Variants in ASB4 observed in about 807,000 individuals in gnomAD.
ASB4 encodes the protein ankyrin repeat and SOCS box containing 4.
ASB4 carries 35 observed loss-of-function variants against 38.6 expected under a neutral mutation model. The ratio of observed to expected loss-of-function variants is 0.91; its 90% CI spans 0.69 to 1.20. The LOEUF (loss-of-function observed/expected upper bound fraction) is 1.20, where lower values mean the gene tolerates loss of function less well. Among genes scored for constraint, ASB4 ranks in the 50% most tolerant of loss-of-function variants. The pLI, the probability that ASB4 is intolerant of heterozygous loss-of-function variation, is 0.00. For synonymous variants in ASB4, 195 were observed against 201.3 expected (o/e 0.97, Z 0.26); for missense variants, 557 against 527.2 (o/e 1.06, Z -0.55).
downstream of ASB4, chr7:95,540,271 A>G (rs1304420026): frequency 6.6e-6 from 1 of 151,992 alleles, no homozygotes; most frequent in Non-Finnish European, 1.5e-5. Context: ...CTTTTTCCTA[A>G]CCCCGCTTTG....
At chr7:95,492,214 A>T (rs1267204319) in intron 1 of ASB4, among the ~76,000 whole-genome samples, 1 of 152,214 alleles carries the variant, frequency 6.6e-6, no homozygotes, top group African/African-American at 2.4e-5. Context: ...GGAGATGCAG[A>T]AGAAACTGAC....
At chr7:95,473,984 C>G (rs1789950263), upstream of ASB4, 1 of 152,170 alleles carries the variant, frequency 6.6e-6, no homozygotes. Flanking sequence ...GAAAATAAAG[C>G]CATAAGTTAC....
intron 1 of ASB4, among the ~76,000 whole-genome samples, chr7:95,488,294 T>A (rs189272957): frequency 6.6e-6 from 1 of 152,044 alleles, no homozygotes; most frequent in Non-Finnish European, 1.5e-5. Flanking sequence ...TGAGCCCAGA[T>A]GGCGCCACTG....
the ASB4 span, among the ~76,000 whole-genome samples, chr7:95,546,654 C>T: frequency 1.3e-5 from 2 of 152,130 alleles, no homozygotes; most frequent in African/African-American, 4.8e-5. Flanking sequence ...CTGTTACTTC[C>T]AATTGCTTAG....
intron 2 of ASB4, among the ~76,000 whole-genome samples, chr7:95,509,205 T>A (rs533959963): frequency 6.6e-6 from 1 of 152,296 alleles, no homozygotes; most frequent in African/African-American, 2.4e-5. Context: ...TTAGGTGGTA[T>A]AGCTGAAAAA....
At chr7:95,472,326 C>A in the ASB4 span, among the ~76,000 whole-genome samples, 7 of 152,098 alleles carry the variant, frequency 4.6e-5, no homozygotes, top group Non-Finnish European at 1.0e-4. Flanking sequence ...GATGCTTAGA[C>A]GAATGATCTG....
chr7:95,542,267 A>AT (rs1414118644), downstream of ASB4: 2 of 152,188 alleles, frequency 1.3e-5, no homozygotes, highest in African/African-American at 2.4e-5. Flanking sequence ...TTTTAAAAAA[A>AT]TTAGATGCTG....
chr7:95,550,554 C>T, the ASB4 span, among the ~76,000 whole-genome samples: 1 of 152,262 alleles, frequency 6.6e-6, no homozygotes, highest in Admixed American at 6.5e-5. Context: ...CTTGATCAGT[C>T]GAAAAATTAT....
chr7:95,515,316 T>TCTTCCTTCCTTC lies in ASB4; in HGVS notation c.488-12489_488-12478dup, dbSNP rs1274522352. Among the ~76,000 whole-genome samples, 785 of 95,784 alleles carry TCTTCCTTCCTTC rather than the reference T, an allele frequency of 8.2e-3. 27 individuals are homozygous for TCTTCCTTCCTTC. The East Asian group carries it at 0.095, about 12-fold the overall frequency. 62.8% of individuals were successfully genotyped at this position (95,784 alleles called of 152,430 possible). A position where few individuals can be genotyped will look rare whatever the true frequency, so the allele number is the denominator to read the frequency against. On this transcript the variant is annotated intron_variant, in intron 2 of 4. Coordinates refer to ENST00000325885, the MANE Select transcript of ASB4 (RefSeq NM_016116.3). Reference sequence around the variant, plus strand: ...TTCTTTCTTTCTTTCTTTCTTTCTTTCTTCCTTCCTTCCTTCCTTTCTTTC... The same window carrying TCTTCCTTCCTTC: ...TTCTTTCTTTCTTTCTTTCTTTCTTTCTTCCTTCCTTCCTTCCTTCCTTCCTTCCTTTCTTTC...
intron 1 of ASB4, among the ~76,000 whole-genome samples, chr7:95,490,412 C>T (rs1391117479): frequency 6.6e-6 from 1 of 152,110 alleles, no homozygotes; most frequent in Non-Finnish European, 1.5e-5. Flanking sequence ...CCCAGGGGAA[C>T]TTTGAGTTAT....
At chr7:95,526,667 G>A (rs1442760908) in intron 2 of ASB4, among the ~76,000 whole-genome samples, 1 of 152,096 alleles carries the variant, frequency 6.6e-6, no homozygotes, top group Non-Finnish European at 1.5e-5. Context: ...TACTTGGAAG[G>A]TTCAATGAGG....
chr7:95,521,465 T>A (rs188534524), intron 2 of ASB4, among the ~76,000 whole-genome samples: 121 of 152,216 alleles, frequency 7.9e-4, no homozygotes, highest in African/African-American at 2.8e-3. Flanking sequence ...ACTCTACTGA[T>A]GGACATATAC....
intron 2 of ASB4, among the ~76,000 whole-genome samples, chr7:95,512,621 TA>T (rs1412689961): frequency 6.6e-6 from 1 of 151,946 alleles, no homozygotes; most frequent in Admixed American, 6.5e-5. Flanking sequence ...CAAAGGTACA[TA>T]AAATCTACAC....
At chr7:95,489,667 C>T (rs1208618560) in intron 1 of ASB4, among the ~76,000 whole-genome samples, 1 of 152,038 alleles carries the variant, frequency 6.6e-6, no homozygotes, top group Non-Finnish European at 1.5e-5. Flanking sequence ...GCCAAAATTG[C>T]GTTTACCAGA....
downstream of ASB4, chr7:95,543,835 G>A (rs1041817961): frequency 6.6e-6 from 1 of 152,058 alleles, no homozygotes; most frequent in Non-Finnish European, 1.5e-5. Flanking sequence ...GGGAATCAAT[G>A]AATATTATTA....
chr7:95,505,689 C>CT (rs1032513300), intron 2 of ASB4, among the ~76,000 whole-genome samples: 1 of 134,122 alleles, frequency 7.5e-6, no homozygotes, highest in South Asian at 2.8e-4. Flanking sequence ...ATCCGTGTCC[C>CT]CCCCCCCCCA....
downstream of ASB4, chr7:95,543,666 G>C (rs1180656090): frequency 6.6e-6 from 1 of 152,212 alleles, no homozygotes; most frequent in African/African-American, 2.4e-5. Context: ...CTGACAAAGG[G>C]TGAGAGCTGG....
chr7:95,535,207 A>G (rs1384747394), intron 3 of ASB4, among the ~76,000 whole-genome samples: 1 of 152,244 alleles, frequency 6.6e-6, no homozygotes, highest in Non-Finnish European at 1.5e-5. Context: ...ACCACCTATG[A>G]GGAAGGTTGT....
rs141239607 is a variant in ASB4 at position 95,496,515 on chromosome 7, C to A, written c.487+458C>A. Among the ~76,000 whole-genome samples the A allele has an allele frequency of 5.7e-3, 860 of 152,200 alleles. 10 individuals are homozygous for A. Among genetic ancestry groups the A allele is most frequent in the African/African-American group, 0.019 (787 of 41,524 alleles). ...ATTACTATAAAATGTATAAAGTCTT[C>A]TCTAAGGATATTATGCTAGGTAGGC... On this transcript the variant is annotated intron_variant, in intron 2 of 4. Transcript: ENST00000325885.
Sources: allele counts gnomAD v4.1 joint callset (sites outside exome capture counted in the v4.1 genomes callset), GRCh38; gene constraint gnomAD v4.1.1; transcripts MANE v1.5; gene names NCBI Gene and HGNC (gene_info 2026-07-23, HGNC 2026-07-21).